Variants in SEMA3A observed in about 807,000 individuals in gnomAD.
SEMA3A encodes semaphorin 3A.
Under a neutral mutation model 97.9 loss-of-function variants are expected in SEMA3A, and 29 were observed. The ratio of observed to expected loss-of-function variants is 0.30; its 90% CI spans 0.22 to 0.40. The LOEUF (loss-of-function observed/expected upper bound fraction) is 0.40. Ranked by LOEUF, SEMA3A falls within the 10% of genes least tolerant of loss-of-function variation. The pLI is 1.00. For missense variants in SEMA3A, 763 were observed against 951.3 expected (o/e 0.80, Z 2.60); for synonymous variants, 321 against 323.7 (o/e 0.99, Z 0.09).
intron 4 of SEMA3A, among the ~76,000 whole-genome samples, chr7:84,066,806 T>A (rs1024022413): frequency 1.6e-4 from 24 of 152,120 alleles, no homozygotes; most frequent in African/African-American, 5.3e-4. Flanking sequence ...TCCATGCTCA[T>A]GGGTAGGAAG....
chr7:84,240,156 G>C (rs1799324270), intron 3 of SEMA3A, among the ~76,000 whole-genome samples: 1 of 152,092 alleles, frequency 6.6e-6, no homozygotes, highest in Admixed American at 6.6e-5. Flanking sequence ...TTCAAATGGA[G>C]AGTAAAGATG....
chr7:84,365,950 T>C (rs1353196191), intron 2 of SEMA3A, among the ~76,000 whole-genome samples: 1 of 151,406 alleles, frequency 6.6e-6, no homozygotes, highest in African/African-American at 2.4e-5. Flanking sequence ...ATTTGAGTAA[T>C]TATAACATGG....
chr7:84,141,206 T>G (rs1584027546), intron 1 of SEMA3A, among the ~76,000 whole-genome samples: 1 of 152,234 alleles, frequency 6.6e-6, no homozygotes, highest in East Asian at 1.9e-4. Context: ...ATGCCGAGTA[T>G]ATTCTCTTAT....
At chr7:84,210,959 G>C (rs773905924) in intron 3 of SEMA3A, among the ~76,000 whole-genome samples, 5 of 151,978 alleles carry the variant, frequency 3.3e-5, no homozygotes, top group Admixed American at 6.6e-5. Context: ...TACTGAAACA[G>C]TGTTAGCACT....
At chr7:84,393,420 C>G (rs773603088) in intron 1 of SEMA3A, among the ~76,000 whole-genome samples, 11 of 152,088 alleles carry the variant, frequency 7.2e-5, no homozygotes, top group Non-Finnish European at 1.3e-4. Context: ...AAGCCGGAGG[C>G]ATCACACTAC....
intron 1 of SEMA3A, among the ~76,000 whole-genome samples, chr7:84,406,226 G>A (rs1252366353): frequency 3.9e-5 from 6 of 152,036 alleles, no homozygotes; most frequent in East Asian, 1.9e-4. Flanking sequence ...TATCACCACC[G>A]ATCCCACAGA....
At chr7:84,200,392 C>A (rs996833741) in intron 3 of SEMA3A, among the ~76,000 whole-genome samples, 1 of 151,964 alleles carries the variant, frequency 6.6e-6, no homozygotes, top group African/African-American at 2.4e-5. Flanking sequence ...AGTCTTCTAG[C>A]GGTAAACTGT....
chr7:84,144,175 A>G (rs1032253567), intron 1 of SEMA3A, among the ~76,000 whole-genome samples: 2 of 151,976 alleles, frequency 1.3e-5, no homozygotes, highest in Non-Finnish European at 2.9e-5. Context: ...ATAATAATAA[A>G]TAAAGTGAGG....
At chr7:84,104,084 T>C (rs1795037038) in intron 4 of SEMA3A, among the ~76,000 whole-genome samples, 1 of 152,074 alleles carries the variant, frequency 6.6e-6, no homozygotes, top group Admixed American at 6.6e-5. Flanking sequence ...CTACAAGGAA[T>C]AGGAAAACAT....
At chr7:84,092,070 T>C (rs1425776533) in intron 4 of SEMA3A, among the ~76,000 whole-genome samples, 1 of 152,174 alleles carries the variant, frequency 6.6e-6, no homozygotes, top group Admixed American at 6.5e-5. Flanking sequence ...ATTAATGTTA[T>C]ACATGTGCCA....
At chr7:84,249,075 G>A (rs2063982750) in intron 3 of SEMA3A, among the ~76,000 whole-genome samples, 1 of 152,168 alleles carries the variant, frequency 6.6e-6, no homozygotes, top group South Asian at 2.1e-4. Flanking sequence ...TGTTTCAGAA[G>A]AATAAAGTGC....
At chr7:84,110,646 T>C in intron 3 of SEMA3A, 57 bp from the exon 4 acceptor site, 1 of 1,586,734 alleles carries the variant, frequency 6.3e-7, no homozygotes, top group South Asian at 1.2e-5. Context: ...TGAGGTATCC[T>C]CTAGGGTGCT....
chr7:84,050,931 T>G lies in SEMA3A; in HGVS notation c.548-4488A>C, dbSNP rs896804378. Among the ~76,000 whole-genome samples the G allele has an allele frequency of 3.3e-5, 5 of 151,746 alleles. 1 individual carries two copies. The highest frequency in any genetic ancestry group is 1.2e-4 in the African/African-American group (5 of 41,502). ...CCAGTTTCAGTTTTCTACATATGGC[T>G]AGCCAGTTTTCCCAGCACCATTTAT... On this transcript the variant is annotated intron_variant, in intron 5 of 16. Transcript: ENST00000265362.
intron 2 of SEMA3A, among the ~76,000 whole-genome samples, chr7:84,337,587 C>T (rs150755863): frequency 1.3e-5 from 2 of 152,134 alleles, no homozygotes; most frequent in Admixed American, 6.6e-5. Context: ...TAAAGTTCAC[C>T]AAGGAATGGA....
intron 1 of SEMA3A, among the ~76,000 whole-genome samples, chr7:84,179,863 T>TAAC (rs976601384): frequency 1.3e-5 from 2 of 148,950 alleles, no homozygotes; most frequent in Non-Finnish European, 3.0e-5. Flanking sequence ...TACCAAATTG[T>TAAC]AACAACAACA....
chr7:84,271,090 T>C (rs929282196), intron 3 of SEMA3A, among the ~76,000 whole-genome samples: 1 of 152,142 alleles, frequency 6.6e-6, no homozygotes, highest in Non-Finnish European at 1.5e-5. Context: ...GGACTATATA[T>C]TGTGGACAAT....
intron 3 of SEMA3A, among the ~76,000 whole-genome samples, chr7:84,301,543 C>A (rs1412371939): frequency 1.3e-5 from 2 of 152,056 alleles, no homozygotes; most frequent in East Asian, 3.9e-4. Flanking sequence ...TTGGATAGCA[C>A]CACATACACA....
At chr7:84,081,680 A>G (rs1430619449) in intron 4 of SEMA3A, among the ~76,000 whole-genome samples, 2 of 152,044 alleles carry the variant, frequency 1.3e-5, no homozygotes, top group African/African-American at 4.8e-5. Flanking sequence ...GTCAGTCTCT[A>G]AAAACTATGC....
chr7:84,259,980 T>C (rs770839631), intron 3 of SEMA3A, among the ~76,000 whole-genome samples: 12 of 152,174 alleles, frequency 7.9e-5, no homozygotes, highest in Non-Finnish European at 1.3e-4. Flanking sequence ...TTTTGATGCT[T>C]CGTGTCAGGT....
Sources: allele counts gnomAD v4.1 joint callset (sites outside exome capture counted in the v4.1 genomes callset), GRCh38; gene constraint gnomAD v4.1.1; transcripts MANE v1.5; gene names NCBI Gene and HGNC (gene_info 2026-07-23, HGNC 2026-07-21).